The following LRRC69 variants were observed in gnomAD, a reference collection of about 807,000 sequenced individuals.
The protein encoded by LRRC69 is leucine-rich repeat-containing protein 69.
LRRC69 carries 42 observed loss-of-function variants against 37.8 expected under a neutral mutation model. The observed-to-expected ratio is 1.11, with a 90% confidence interval of 0.87 to 1.44. LRRC69 has a LOEUF of 1.44. LRRC69 is among the 40% of genes most tolerant of loss of function. The pLI, the probability that LRRC69 is intolerant of heterozygous loss-of-function variation, is 0.00. For synonymous variants in LRRC69, 141 were observed against 143.1 expected (o/e 0.99, Z 0.11); for missense variants, 357 against 401.9 (o/e 0.89, Z 0.96).
intron 5 of LRRC69, among the ~76,000 whole-genome samples, chr8:91,178,629 A>T (rs908111014): frequency 2.6e-5 from 4 of 152,196 alleles, no homozygotes; most frequent in African/African-American, 9.7e-5. Flanking sequence ...GTCCCTGAAA[A>T]ATGTTTGCAA....
At chr8:91,171,322 T>C (rs886720833) in intron 5 of LRRC69, among the ~76,000 whole-genome samples, 3 of 151,968 alleles carry the variant, frequency 2.0e-5, no homozygotes, top group African/African-American at 7.2e-5. Flanking sequence ...TACATTTATA[T>C]TGTCAGAGTT....
chr8:91,205,168 A>G (rs941981507), intron 7 of LRRC69, among the ~76,000 whole-genome samples: 3 of 152,164 alleles, frequency 2.0e-5, no homozygotes, highest in African/African-American at 7.2e-5. Context: ...GAATGAATGA[A>G]TGGATAAATA....
At chr8:91,112,670 C>G (rs1252069810) in intron 1 of LRRC69, among the ~76,000 whole-genome samples, 1 of 151,988 alleles carries the variant, frequency 6.6e-6, no homozygotes, top group African/African-American at 2.4e-5. Context: ...TCTGTAATAT[C>G]TGGTACAAGG....
chr8:91,140,539 T>G (rs1808513868), intron 5 of LRRC69, among the ~76,000 whole-genome samples: 1 of 151,968 alleles, frequency 6.6e-6, no homozygotes, highest in African/African-American at 2.4e-5. Context: ...TTAAAAAAAT[T>G]CAATGTATAC....
intron 6 of LRRC69, among the ~76,000 whole-genome samples, chr8:91,194,715 G>A (rs1170219075): frequency 6.6e-6 from 1 of 152,132 alleles, no homozygotes; most frequent in Middle Eastern, 3.4e-3. Context: ...ATTTTTTATT[G>A]CGTCTATTTG....
intron 1 of LRRC69, among the ~76,000 whole-genome samples, chr8:91,119,018 A>G (rs943395786): frequency 6.6e-6 from 1 of 152,054 alleles, no homozygotes; most frequent in South Asian, 2.1e-4. Context: ...AAGACTAACT[A>G]CTAACACACT....
intron 1 of LRRC69, among the ~76,000 whole-genome samples, chr8:91,108,275 T>A (rs1813354034): frequency 6.6e-6 from 1 of 152,066 alleles, no homozygotes. Flanking sequence ...TTAATGACCC[T>A]TTAACCCAAT....
chr8:91,140,331 T>C (rs1394421321), intron 5 of LRRC69, among the ~76,000 whole-genome samples: 1 of 152,018 alleles, frequency 6.6e-6, no homozygotes, highest in Admixed American at 6.6e-5. Context: ...TGTCCTCTGC[T>C]TCTTGAATGA....
chr8:91,176,988 T>C (rs1809243493), intron 5 of LRRC69, among the ~76,000 whole-genome samples: 1 of 152,192 alleles, frequency 6.6e-6, no homozygotes, highest in South Asian at 2.1e-4. Flanking sequence ...ATATGTTCTG[T>C]TTAATTTATT....
chr8:91,132,833 GA>G (rs1813831028), intron 3 of LRRC69, among the ~76,000 whole-genome samples: 1 of 151,864 alleles, frequency 6.6e-6, no homozygotes, highest in African/African-American at 2.4e-5. Flanking sequence ...TATGTATAAA[GA>G]AAGGAAATAT....
intron 5 of LRRC69, among the ~76,000 whole-genome samples, chr8:91,160,327 T>A (rs1171768329): frequency 6.6e-6 from 1 of 150,682 alleles, no homozygotes; most frequent in Non-Finnish European, 1.5e-5. Flanking sequence ...TATAAGATAA[T>A]GTCATCTGCA....
chr8:91,197,805 T>G (rs1809641332), intron 6 of LRRC69, among the ~76,000 whole-genome samples: 1 of 152,070 alleles, frequency 6.6e-6, no homozygotes, highest in African/African-American at 2.4e-5. Flanking sequence ...ACCCGTCTTC[T>G]GTGTCGCTCA....
At chr8:91,149,152 C>T (rs1287715840) in intron 5 of LRRC69, among the ~76,000 whole-genome samples, 1 of 151,826 alleles carries the variant, frequency 6.6e-6, no homozygotes, top group Non-Finnish European at 1.5e-5. Flanking sequence ...ACATGGAGTC[C>T]TTGCCCATGC....
At chr8:91,187,608 G>T (rs1185227468) in intron 5 of LRRC69, among the ~76,000 whole-genome samples, 1 of 152,154 alleles carries the variant, frequency 6.6e-6, no homozygotes, top group African/African-American at 2.4e-5. Context: ...TTCTGTCCAG[G>T]TTCCTTTACT....
chr8:91,197,411 C>A (rs1809626845), intron 6 of LRRC69, among the ~76,000 whole-genome samples: 1 of 152,216 alleles, frequency 6.6e-6, no homozygotes, highest in Non-Finnish European at 1.5e-5. Context: ...CCTAATCAAG[C>A]CTGGCCAATG....
intron 1 of LRRC69, among the ~76,000 whole-genome samples, chr8:91,120,465 A>C (rs1813599179): frequency 6.6e-6 from 1 of 152,106 alleles, no homozygotes; most frequent in South Asian, 2.1e-4. Flanking sequence ...AGGTGGTTCC[A>C]GGAGAAATGT....
chr8:91,106,546 C>G (rs1813315508), intron 1 of LRRC69, among the ~76,000 whole-genome samples: 1 of 152,014 alleles, frequency 6.6e-6, no homozygotes, highest in African/African-American at 2.4e-5. Context: ...AGTTATTACC[C>G]TCATACTGTT....
chr8:91,187,101 T>G (rs1433660454), intron 5 of LRRC69, among the ~76,000 whole-genome samples: 1 of 152,178 alleles, frequency 6.6e-6, no homozygotes, highest in African/African-American at 2.4e-5. Context: ...AGGAGCTTCC[T>G]CAGTCTTCAC....
chr8:91,124,657 A>G, intron 2 of LRRC69, 38 bp downstream of exon 2: 1 of 1,470,980 alleles, frequency 6.8e-7, no homozygotes, highest in Non-Finnish European at 9.0e-7. Context: ...ATAGCATCAA[A>G]TTTAATCTCT....
Sources: gnomAD v4.1 joint callset for allele counts (sites outside exome capture counted in the v4.1 genomes callset) on GRCh38, gnomAD v4.1.1 for gene constraint, MANE v1.5 for transcripts, NCBI Gene and HGNC (gene_info 2026-07-23, HGNC 2026-07-21) for gene names.